KIAA0753: variants seen among roughly 807,000 people sequenced by gnomAD.
KIAA0753 encodes the protein KIAA0753.
Under a neutral mutation model 116.9 loss-of-function variants are expected in KIAA0753, and 114 were observed. The observed-to-expected ratio is 0.98, with a 90% confidence interval of 0.84 to 1.14. The LOEUF (loss-of-function observed/expected upper bound fraction) is 1.14. KIAA0753 is among the 50% of genes most tolerant of loss of function. The pLI is 0.00. For synonymous variants in KIAA0753, 405 were observed against 413.1 expected (o/e 0.98, Z 0.24); for missense variants, 1,156 against 1,172.4 (o/e 0.99, Z 0.20).
At chr17:6,631,438 T>C (rs1046760690) in intron 2 of KIAA0753, among the ~76,000 whole-genome samples, 2 of 152,244 alleles carry the variant, frequency 1.3e-5, no homozygotes, top group Non-Finnish European at 2.9e-5. Context: ...TGGATAATGA[T>C]AGCCAGCTTT....
At chr17:6,604,253 T>TC (rs1266473763) in intron 12 of KIAA0753, among the ~76,000 whole-genome samples, 1 of 151,810 alleles carries the variant, frequency 6.6e-6, no homozygotes, top group Non-Finnish European at 1.5e-5. Flanking sequence ...TGTTCTTTTT[T>TC]TTTTTTGAGA....
At chr17:6,613,265 A>G (rs937795616) in intron 7 of KIAA0753, among the ~76,000 whole-genome samples, 2 of 152,244 alleles carry the variant, frequency 1.3e-5, no homozygotes, top group African/African-American at 2.4e-5. Flanking sequence ...AGAAAAATTT[A>G]TAAGGTAAAG....
rs1424692351 is a variant in KIAA0753, at chr17:6,635,281, A to C, written c.-68-110T>G. On this transcript the variant is annotated intron_variant, in intron 1 of 18. Coordinates refer to ENST00000361413, the MANE Select transcript of KIAA0753 (RefSeq NM_014804.3). Reference sequence around the variant, plus strand: ...AATATACTAGAAGTAGCCAATAGTAACCTCATACTGAGAGTGACTGCTTAA... The same window carrying C: ...AATATACTAGAAGTAGCCAATAGTACCCTCATACTGAGAGTGACTGCTTAA... 11 of 484,384 alleles carry C rather than the reference A, an allele frequency of 2.3e-5. No homozygotes were observed. In the East Asian group the frequency reaches 3.0e-4, roughly 13 times the overall value. The allele number at this position is 484,384 out of a possible 1,614,324, so 30.0% of individuals were successfully genotyped here. A position where few individuals can be genotyped will look rare whatever the true frequency, so the allele number is the denominator to read the frequency against.
At chr17:6,608,197 C>T (rs1970311828) in intron 10 of KIAA0753, 151 bp downstream of exon 10, 1 of 392,252 alleles carries the variant, frequency 2.5e-6, no homozygotes, top group Non-Finnish European at 4.6e-6. Context: ...GTTTAATAAA[C>T]TACATTTTAT....
intron 18 of KIAA0753, among the ~76,000 whole-genome samples, chr17:6,584,794 T>C (rs1968445730): frequency 6.6e-6 from 1 of 152,216 alleles, no homozygotes; most frequent in Non-Finnish European, 1.5e-5. Context: ...GATCTTCCAG[T>C]AGCATGTGAA....
intron 3 of KIAA0753, among the ~76,000 whole-genome samples, chr17:6,626,707 T>C (rs988677688): frequency 2.0e-5 from 3 of 152,222 alleles, no homozygotes; most frequent in African/African-American, 7.2e-5. Context: ...ATTTAAAGTA[T>C]ATGTTTACGT....
chr17:6,593,360 A>T (rs1017293545), intron 16 of KIAA0753, among the ~76,000 whole-genome samples: 1 of 152,268 alleles, frequency 6.6e-6, no homozygotes, highest in Non-Finnish European at 1.5e-5. Context: ...GCAATGGCTC[A>T]CACCTGGAAT....
chr17:6,593,510 C>G (rs1414198690), intron 16 of KIAA0753, among the ~76,000 whole-genome samples: 1 of 152,076 alleles, frequency 6.6e-6, no homozygotes, highest in Non-Finnish European at 1.5e-5. Flanking sequence ...AATCCCAGCA[C>G]TTCAGGAGGC....
intron 15 of KIAA0753, 98 bp downstream of exon 15, chr17:6,596,060 T>C: frequency 8.4e-7 from 1 of 1,197,538 alleles, no homozygotes; most frequent in Admixed American, 2.2e-5. Context: ...TGGGACTGTG[T>C]GACTCTAACA....
chr17:6,621,724 C>G (rs1488341641), intron 6 of KIAA0753, among the ~76,000 whole-genome samples: 1 of 152,154 alleles, frequency 6.6e-6, no homozygotes. Context: ...TACTCTTACT[C>G]AAGCTCAAAA....
intron 12 of KIAA0753, among the ~76,000 whole-genome samples, chr17:6,602,759 T>C (rs1032846227): frequency 1.3e-5 from 2 of 152,362 alleles, no homozygotes; most frequent in East Asian, 3.9e-4. Flanking sequence ...CTTTGCATTT[T>C]ACTATATGTA....
intron 16 of KIAA0753, among the ~76,000 whole-genome samples, 195 bp from the exon 17 acceptor site, chr17:6,590,825 G>A (rs925646869): frequency 6.6e-6 from 1 of 152,118 alleles, no homozygotes; most frequent in African/African-American, 2.4e-5. Flanking sequence ...AGAAACCAAT[G>A]AGGAATACGT....
chr17:6,581,663 C>A (rs201767391), intron 18 of KIAA0753, among the ~76,000 whole-genome samples: 2 of 152,288 alleles, frequency 1.3e-5, no homozygotes, highest in East Asian at 3.9e-4. Context: ...AAAGCTTTCC[C>A]TTGTCTTTTA....
chr17:6,619,786 T>C (rs1364656481), intron 7 of KIAA0753, among the ~76,000 whole-genome samples: 1 of 152,232 alleles, frequency 6.6e-6, no homozygotes, highest in East Asian at 1.9e-4. Context: ...TTACTGGACT[T>C]GTCCATACAT....
intron 15 of KIAA0753, among the ~76,000 whole-genome samples, 184 bp from the exon 16 acceptor site, chr17:6,595,237 T>C (rs1482924426): frequency 6.6e-6 from 1 of 152,194 alleles, no homozygotes; most frequent in African/African-American, 2.4e-5. Flanking sequence ...ATGAAGCAAT[T>C]AGCATAAAGG....
chr17:6,605,793 G>A (rs1219456042), intron 12 of KIAA0753, among the ~76,000 whole-genome samples: 1 of 152,104 alleles, frequency 6.6e-6, no homozygotes, highest in African/African-American at 2.4e-5. Context: ...GACTTACGAT[G>A]GTGGTGCGTG....
At chr17:6,620,716 T>C (rs1005093200) in intron 7 of KIAA0753, 72 bp downstream of exon 7, 26 of 1,445,870 alleles carry the variant, frequency 1.8e-5, no homozygotes, top group Non-Finnish European at 2.3e-5. Flanking sequence ...TTCCCCTCAG[T>C]GCAGTAACTG....
rs776572420 is a variant in KIAA0753 at position 6,606,938 on chromosome 17, A to G, written c.1944T>C (p.Thr648=). The G allele has an allele frequency of 6.2e-7, 1 of 1,614,088 alleles. No homozygotes were observed. Among genetic ancestry groups the G allele is most frequent in the Admixed American group, 1.7e-5 (1 of 60,014 alleles). ...CATTCAGTTCCTTTGTTCTTCTAGAAGTTTCAGCATCAAGCCAATCAAGCC... is the reference window on the plus strand; with the variant it reads ...CATTCAGTTCCTTTGTTCTTCTAGAGGTTTCAGCATCAAGCCAATCAAGCC... The part of the protein sequence containing the change: ...KQRLDWLDAE[T]SRRTKELNEL... The change falls in exon 12 of 19, where the codon ACT becomes ACC. Residue 648 remains threonine, a synonymous_variant. Transcript: ENST00000361413.
chr17:6,605,327 T>C (rs1224012619), intron 12 of KIAA0753, among the ~76,000 whole-genome samples: 1 of 152,162 alleles, frequency 6.6e-6, no homozygotes, highest in Non-Finnish European at 1.5e-5. Context: ...AGCCGTGCAT[T>C]ACAGCGCAGC....
Sources: gnomAD v4.1 joint callset for allele counts (sites outside exome capture counted in the v4.1 genomes callset) on GRCh38, gnomAD v4.1.1 for gene constraint, MANE v1.5 for transcripts, NCBI Gene and HGNC (gene_info 2026-07-23, HGNC 2026-07-21) for gene names.